CCR3: variants seen among roughly 807,000 people sequenced by gnomAD.
The protein encoded by CCR3 is C-C motif chemokine receptor 3, also known as C-C chemokine receptor type 3.
For missense variants in CCR3, 419 were observed against 437.5 expected (o/e 0.96, Z 0.38); for synonymous variants, 203 against 179.2 (o/e 1.13, Z -1.06).
intron 1 of CCR3, among the ~76,000 whole-genome samples, chr3:46,257,366 C>A (rs1700447631): frequency 6.7e-6 from 1 of 148,574 alleles, no homozygotes; most frequent in Non-Finnish European, 1.5e-5. Flanking sequence ...CAATAATAAT[C>A]AACTTTAACA....
chr3:46,252,300 C>G (rs140328554), intron 1 of CCR3, among the ~76,000 whole-genome samples: 1 of 151,270 alleles, frequency 6.6e-6, no homozygotes, highest in African/African-American at 2.4e-5. Context: ...CTCAGCCTCC[C>G]GAGTAGCTGG....
chr3:46,242,412 G>A (rs200506062), upstream of CCR3: 4 of 152,180 alleles, frequency 2.6e-5, no homozygotes, highest in East Asian at 1.9e-4. Flanking sequence ...GAGTGGTGAC[G>A]CCTAAGCTAT....
At chr3:46,249,952 T>G (rs2125930303) in intron 1 of CCR3, among the ~76,000 whole-genome samples, 1 of 152,102 alleles carries the variant, frequency 6.6e-6, no homozygotes, top group African/African-American at 2.4e-5. Flanking sequence ...AGATTCTAAT[T>G]TTTGGAGTTT....
chr3:46,266,278 C>A lies in CCR3; in HGVS notation c.*52C>A. The A allele has an allele frequency of 8.6e-7, 1 of 1,159,596 alleles. No individual in the cohort carries two copies. Among genetic ancestry groups the A allele is most frequent in the Non-Finnish European group, 1.3e-6 (1 of 795,304 alleles). The allele number at this position is 1,159,596 out of a possible 1,614,324, so 71.8% of individuals were successfully genotyped here. A position where few individuals can be genotyped will look rare whatever the true frequency, so the allele number is the denominator to read the frequency against. ...GGAAGGACCAAGGAGATGAAGCAAA[C>A]ACATTAAGCCTTCCACACTCACCTC... is the stretch of plus-strand genomic sequence containing the variant. On this transcript the variant is annotated 3_prime_UTR_variant, in exon 2 of 2. Coordinates refer to ENST00000395940, the MANE Select transcript of CCR3 (RefSeq NM_178329.3).
chr3:46,265,113 C>T, intron 1 of CCR3, 35 bp from the exon 2 acceptor site: 1 of 1,360,758 alleles, frequency 7.3e-7, no homozygotes, highest in South Asian at 1.3e-5. Context: ...GATTATGCTT[C>T]ATTGTGGGAT....
chr3:46,218,976 A>G (rs1575485002), intron 2 of CCR3, among the ~76,000 whole-genome samples: 1 of 152,184 alleles, frequency 6.6e-6, no homozygotes, highest in African/African-American at 2.4e-5. Context: ...AGTTCTAGCC[A>G]GAGCAGTCAG....
chr3:46,243,002 T>TATATATATATACAC (rs56773457), intron 1 of CCR3, among the ~76,000 whole-genome samples: 2 of 123,724 alleles, frequency 1.6e-5, no homozygotes, highest in African/African-American at 6.5e-5. Context: ...TATATATATA[T>TATATATATATACAC]ACGCACACAC....
chr3:46,241,166 G>GCTCTCTCTCTCTCTCTCTCT (rs58133632), upstream of CCR3, among the ~76,000 whole-genome samples: 1 of 149,208 alleles, frequency 6.7e-6, no homozygotes, highest in African/African-American at 2.5e-5. Context: ...ATGTGTGTGC[G>GCTCTCTCTCTCTCTCTCTCT]CTCTCTCTCT....
chr3:46,265,047 A>T, intron 1 of CCR3, 101 bp from the exon 2 acceptor site: 1 of 736,184 alleles, frequency 1.4e-6, no homozygotes, highest in Non-Finnish European at 2.3e-6. Flanking sequence ...CTGCTATCAC[A>T]TGTGGCATCT....
chr3:46,260,626 G>A (rs1700506506), intron 1 of CCR3, among the ~76,000 whole-genome samples: 1 of 152,206 alleles, frequency 6.6e-6, no homozygotes, highest in Non-Finnish European at 1.5e-5. Context: ...TGTAAGAGGT[G>A]AGTTCCAATG....
At chr3:46,231,364 T>C (rs1047439205) in intron 2 of CCR3, among the ~76,000 whole-genome samples, 3 of 152,246 alleles carry the variant, frequency 2.0e-5, no homozygotes, top group African/African-American at 7.2e-5. Context: ...TATAGAAGGC[T>C]CCAAAACACT....
chr3:46,211,265 C>G (rs2125921816), intron 2 of CCR3, among the ~76,000 whole-genome samples: 2 of 147,904 alleles, frequency 1.4e-5, no homozygotes, highest in Non-Finnish European at 3.0e-5. Context: ...GTAGCATGAT[C>G]ATGGCTCACT....
At position 46,242,964 on chromosome 3, in the gene CCR3, T is replaced by TATATATATATATACAC. The variant is rs1491100347; in HGVS notation, c.-12+439_-12+440insCACATATATATATATA. 2.4e-3 allele frequency among the ~76,000 whole-genome samples: 155 copies of TATATATATATATACAC among 63,854 alleles called. 1 individual carries two copies. The highest frequency in any genetic ancestry group is 0.01 in the African/African-American group (145 of 14,204). 41.9% of individuals were successfully genotyped at this position (63,854 alleles called of 152,430 possible). A position where few individuals can be genotyped will look rare whatever the true frequency, so the allele number is the denominator to read the frequency against. On this transcript the variant is annotated intron_variant, in intron 1 of 1. Coordinates refer to ENST00000395940, the MANE Select transcript of CCR3 (RefSeq NM_178329.3). ...AAATATAATTTTACATATATATGTG[T>TATATATATATATACAC]ATATATATATATATACACATATATA...
chr3:46,223,063 C>T (rs79348480), intron 2 of CCR3, among the ~76,000 whole-genome samples: 6,228 of 152,278 alleles, frequency 0.041, 416 homozygotes, highest in African/African-American at 0.14. Flanking sequence ...AGTTTTAAAA[C>T]TCTTTTGAGG....
chr3:46,211,355 C>T (rs1699711582), intron 2 of CCR3, among the ~76,000 whole-genome samples: 1 of 150,714 alleles, frequency 6.6e-6, no homozygotes, highest in African/African-American at 2.4e-5. Flanking sequence ...CATGGCACCA[C>T]ACCTGGCTAA....
At chr3:46,235,075 G>C (rs1266567132) in intron 2 of CCR3, among the ~76,000 whole-genome samples, 1 of 152,186 alleles carries the variant, frequency 6.6e-6, no homozygotes, top group East Asian at 1.9e-4. Context: ...AGAATAGCTG[G>C]GAAGCCTTAG....
intron 2 of CCR3, among the ~76,000 whole-genome samples, chr3:46,223,916 C>CGGTA (rs1699864218): frequency 6.6e-6 from 1 of 152,034 alleles, no homozygotes; most frequent in Admixed American, 6.5e-5. Context: ...CCAGAGGTGT[C>CGGTA]GGTAAATAGA....
At chr3:46,241,763 A>G (rs1700088885), upstream of CCR3, among the ~76,000 whole-genome samples, 1 of 152,120 alleles carries the variant, frequency 6.6e-6, no homozygotes, top group Admixed American at 6.5e-5. Context: ...TGCCCCATCC[A>G]AGTGTCTACT....
intron 1 of CCR3, among the ~76,000 whole-genome samples, chr3:46,248,187 G>A (rs1310310451): frequency 1.3e-5 from 2 of 152,106 alleles, no homozygotes; most frequent in Non-Finnish European, 2.9e-5. Context: ...GTGGGAGGCT[G>A]GACTGAAGTC....
Sources: gnomAD v4.1 joint callset for allele counts (sites outside exome capture counted in the v4.1 genomes callset) on GRCh38, gnomAD v4.1.1 for gene constraint, MANE v1.5 for transcripts, NCBI Gene and HGNC (gene_info 2026-07-23, HGNC 2026-07-21) for gene names.